The following TULP4 variants were observed in gnomAD, a reference collection of about 807,000 sequenced individuals.
The protein encoded by TULP4 is tubby-related protein 4.
A neutral mutation model predicts 129.0 loss-of-function variants in TULP4; 16 were observed. The observed-to-expected ratio is 0.12, with a 90% CI of 0.08 to 0.19. The LOEUF (loss-of-function observed/expected upper bound fraction) is 0.19. TULP4 is among the 10% of genes least tolerant of loss of function. TULP4 has a pLI of 1.00. For missense variants in TULP4, 1,842 were observed against 2,059.1 expected (o/e 0.89, Z 2.04); for synonymous variants, 998 against 854.0 (o/e 1.17, Z -2.94).
intron 1 of TULP4, among the ~76,000 whole-genome samples, chr6:158,327,368 T>C (rs1191884354): frequency 6.6e-6 from 1 of 152,234 alleles, no homozygotes; most frequent in Non-Finnish European, 1.5e-5. Flanking sequence ...CCAGGGCTTT[T>C]TGGTTGTTGT....
chr6:158,274,838 A>G (rs1404772179), intron 1 of TULP4, among the ~76,000 whole-genome samples: 1 of 152,208 alleles, frequency 6.6e-6, no homozygotes, highest in South Asian at 2.1e-4. Flanking sequence ...CGAATAAAAT[A>G]TAAGCCCCTT....
intron 3 of TULP4, among the ~76,000 whole-genome samples, chr6:158,435,591 A>G (rs1347700272): frequency 1.3e-5 from 2 of 150,248 alleles, no homozygotes; most frequent in Non-Finnish European, 3.0e-5. Flanking sequence ...CCTTTTTTCC[A>G]TCCTTTGGGT....
rs1780494156 is a variant in TULP4, at chr6:158,502,858, GTCC to G, written c.3200_3202del (p.Ser1067del). 1.9e-6 allele frequency: 3 copies of G among 1,613,734 alleles called. No homozygotes were observed. Among genetic ancestry groups the G allele is most frequent in the Admixed American group, 3.3e-5 (2 of 60,026 alleles). On this transcript the variant is annotated inframe_deletion, in exon 13 of 14. Transcript: ENST00000367097. Reference sequence around the variant, plus strand: ...CCAGCGCCTCCCCGTTGGCCTCCCAGTCCTCCTACAGCCTCCTGAGCCCACCCG... The same window carrying G: ...CCAGCGCCTCCCCGTTGGCCTCCCAGTCCTACAGCCTCCTGAGCCCACCCG...
At position 158,461,646 on chromosome 6, in the gene TULP4, A is replaced by G. The variant is rs536921467; in HGVS notation, c.943A>G (p.Asn315Asp). The G allele has an allele frequency of 1.1e-5, 18 of 1,613,894 alleles. No homozygotes were observed. In the South Asian group the frequency reaches 1.5e-4, roughly 14 times the overall value. Residue 315 changes from asparagine (N) to aspartate (D), a missense_variant, in exon 6 of 14, where the codon AAT becomes GAT. Physicochemically the swap from Asn to Asp is conservative, Grantham distance 23 (BLOSUM62 1). Transcript: ENST00000367097. ...ERQTQLGELP[N>D]GPLLKSAMVK... is the part of the protein sequence containing the mutation. ...GCAGACCCAGCTTGGTGAGCTTCCC[A>G]ATGGTCCCCTTCTGAAGAGTGCCAT...
At chr6:158,357,421 T>C (rs1198514449) in intron 1 of TULP4, among the ~76,000 whole-genome samples, 1 of 152,216 alleles carries the variant, frequency 6.6e-6, no homozygotes, top group Admixed American at 6.5e-5. Flanking sequence ...TCACTTCTGG[T>C]TGGAGGACCA....
chr6:158,494,659 C>T (rs1234164957), intron 10 of TULP4, 94 bp from the exon 11 acceptor site: 31 of 1,181,284 alleles, frequency 2.6e-5, no homozygotes, highest in Non-Finnish European at 2.7e-5. Flanking sequence ...ACACTCGTGG[C>T]TTAAGTAATA....
intron 1 of TULP4, among the ~76,000 whole-genome samples, chr6:158,273,187 A>G (rs1583694260): frequency 3.3e-5 from 5 of 152,320 alleles, no homozygotes; most frequent in African/African-American, 9.6e-5. Flanking sequence ...TGCTAAAAGA[A>G]CAGATAAGCT....
chr6:158,495,358 C>T (rs913472457), intron 11 of TULP4, among the ~76,000 whole-genome samples: 4 of 152,182 alleles, frequency 2.6e-5, no homozygotes, highest in Non-Finnish European at 5.9e-5. Context: ...TGGTCGCCAG[C>T]GGGATTTTCA....
intron 1 of TULP4, among the ~76,000 whole-genome samples, chr6:158,323,577 A>G (rs1779683429): frequency 6.6e-6 from 1 of 152,122 alleles, no homozygotes; most frequent in African/African-American, 2.4e-5. Context: ...ACCTTTAGGT[A>G]TTCCATTACA....
intron 1 of TULP4, among the ~76,000 whole-genome samples, chr6:158,259,056 C>G (rs1354426813): frequency 6.6e-6 from 1 of 151,980 alleles, no homozygotes; most frequent in African/African-American, 2.4e-5. Flanking sequence ...ATGGTGAAAC[C>G]CCACCTCTAC....
intron 1 of TULP4, among the ~76,000 whole-genome samples, chr6:158,394,786 C>CAAAAAAAAAAAAAAAAAAA (rs71030166): frequency 4.3e-5 from 2 of 46,016 alleles, no homozygotes; most frequent in African/African-American, 1.1e-4. Context: ...GGCTCTGTCT[C>CAAAAAAAAAAAAAAAAAAA]AAAAAAAAAA....
At chr6:158,426,100 A>G (rs986090930) in intron 2 of TULP4, among the ~76,000 whole-genome samples, 1 of 152,118 alleles carries the variant, frequency 6.6e-6, no homozygotes, top group African/African-American at 2.4e-5. Context: ...TCGTTTAAGT[A>G]TCCTTATAGA....
chr6:158,328,113 TGTGTGTGTGTGTGTGCGTGC>T lies in TULP4; in HGVS notation c.252+13849_252+13868del, dbSNP rs1290725713. On this transcript the variant is annotated intron_variant, in intron 1 of 13. Transcript: ENST00000367097. ...GTGTGTGTGTGTGTGTGTGTGTGTG[TGTGTGTGTGTGTGTGCGTGC>T]GTGCTGGGAAAGAGGTAGACCTAGT... is the stretch of plus-strand genomic sequence containing the variant. Among the ~76,000 whole-genome samples, 227 of 76,160 alleles carry T rather than the reference TGTGTGTGTGTGTGTGCGTGC, an allele frequency of 3.0e-3. 1 individual carries two copies. Among genetic ancestry groups the T allele is most frequent in the Admixed American group, 4.9e-3 (33 of 6,724 alleles). 50.0% of individuals were successfully genotyped at this position (76,160 alleles called of 152,430 possible). A position where few individuals can be genotyped will look rare whatever the true frequency, so the allele number is the denominator to read the frequency against.
rs1202596087 is a variant in TULP4, at chr6:158,243,274, CAT to C, written n.68+10972_68+10973del. Among the ~76,000 whole-genome samples the C allele has an allele frequency of 2.6e-5, 4 of 152,166 alleles. No homozygotes were observed. The South Asian group carries it at 6.2e-4, about 24-fold the overall frequency. On this transcript the variant is annotated intron_variant and non_coding_transcript_variant, in intron 1 of 1. Coordinates refer to the TULP4 transcript ENST00000620026. ...AATTTTGTCTGTAAATATTTTAGTA[CAT>C]GTCTCCAAAAGAAAAAGACCCCTTA...
At chr6:158,494,393 G>A (rs1385452705) in intron 10 of TULP4, among the ~76,000 whole-genome samples, 1 of 152,082 alleles carries the variant, frequency 6.6e-6, no homozygotes, top group Non-Finnish European at 1.5e-5. Flanking sequence ...ACAAATGATG[G>A]GTAGTTTCAG....
intron 1 of TULP4, among the ~76,000 whole-genome samples, chr6:158,384,478 C>T (rs1176645768): frequency 3.3e-5 from 5 of 151,936 alleles, no homozygotes; most frequent in African/African-American, 9.7e-5. Flanking sequence ...TTAGTAGAGA[C>T]GGGGTTTCAC....
At chr6:158,266,403 C>T (rs925744846) in intron 1 of TULP4, among the ~76,000 whole-genome samples, 5 of 152,136 alleles carry the variant, frequency 3.3e-5, no homozygotes, top group South Asian at 2.1e-4. Context: ...ACTACAGGCA[C>T]GTGCCACCAC....
intron 1 of TULP4, among the ~76,000 whole-genome samples, chr6:158,411,126 GAAAAAAAA>G (rs79023085): frequency 3.8e-5 from 2 of 52,170 alleles, no homozygotes; most frequent in South Asian, 5.3e-4. Context: ...AGGTAAAAGT[GAAAAAAAA>G]AAAAAAAAAA....
In TULP4 at chr6:158,503,263, G is replaced by A. The variant is rs376933499; in HGVS notation, c.3600G>A (p.Leu1200=). ...CAGGAAGCTATAACAACCCCCCTTTGCCTGGAGTGCAGGCTCCCTGCTCTC... is the reference window on the plus strand; with the variant it reads ...CAGGAAGCTATAACAACCCCCCTTTACCTGGAGTGCAGGCTCCCTGCTCTC... ...PYPGSYNNPP[L]PGVQAPCSPK... The change falls in exon 13 of 14, where the codon TTG becomes TTA. Residue 1200 remains leucine (L), a synonymous_variant. Transcript: ENST00000367097. The surrounding 1 kb of genome is among the most constrained non-coding windows in gnomAD (Gnocchi z 4.3). The A allele has an allele frequency of 1.5e-5, 25 of 1,613,750 alleles. No individual in the cohort carries two copies. The highest frequency in any genetic ancestry group is 5.1e-6 in the Non-Finnish European group (6 of 1,179,988).
Sources: gnomAD v4.1 joint callset for allele counts (sites outside exome capture counted in the v4.1 genomes callset) on GRCh38, gnomAD v4.1.1 for gene constraint, Gnocchi (gnomAD v3.1) non-coding constraint, MANE v1.5 for transcripts, NCBI Gene and HGNC (gene_info 2026-07-23, HGNC 2026-07-21) for gene names.